MARCHF4: variants seen among roughly 807,000 people sequenced by gnomAD.
MARCHF4 encodes the protein E3 ubiquitin-protein ligase MARCHF4.
A neutral mutation model predicts 43.9 loss-of-function variants in MARCHF4; 14 were observed. The ratio of observed to expected loss-of-function variants is 0.32; its 90% CI spans 0.21 to 0.50. The LOEUF (loss-of-function observed/expected upper bound fraction) is 0.50. Among genes scored for constraint, MARCHF4 ranks in the 20% least tolerant of loss-of-function variants. The pLI, the probability that MARCHF4 is intolerant of heterozygous loss-of-function variation, is 0.98. For synonymous variants in MARCHF4, 226 were observed against 213.3 expected (o/e 1.06, Z -0.52); for missense variants, 468 against 536.7 (o/e 0.87, Z 1.27).
chr2:216,280,419 GTTCCGC>G (rs1359874870), intron 2 of MARCHF4, among the ~76,000 whole-genome samples: 1 of 152,158 alleles, frequency 6.6e-6, no homozygotes, highest in Non-Finnish European at 1.5e-5. Flanking sequence ...TCCTGATTGG[GTTCCGC>G]TCCTACGCAC....
chr2:216,270,548 A>G (rs1198080194), intron 3 of MARCHF4, among the ~76,000 whole-genome samples: 1 of 152,104 alleles, frequency 6.6e-6, no homozygotes, highest in Non-Finnish European at 1.5e-5. Flanking sequence ...ACCTCTTCTT[A>G]GTACTGCCTT....
At chr2:216,365,442 C>T (rs1233491734) in intron 1 of MARCHF4, among the ~76,000 whole-genome samples, 2 of 152,206 alleles carry the variant, frequency 1.3e-5, no homozygotes, top group Non-Finnish European at 1.5e-5. Context: ...CTAGGCACTC[C>T]ACAGCTGCCT....
At chr2:216,268,437 G>C (rs532312242) in intron 3 of MARCHF4, among the ~76,000 whole-genome samples, 11 of 152,236 alleles carry the variant, frequency 7.2e-5, no homozygotes, top group African/African-American at 2.6e-4. Flanking sequence ...TCATGGAGGC[G>C]GTTTCCCCCA....
intron 1 of MARCHF4, among the ~76,000 whole-genome samples, chr2:216,336,622 AT>A (rs1298418819): frequency 2.0e-5 from 3 of 151,444 alleles, no homozygotes; most frequent in African/African-American, 7.3e-5. Flanking sequence ...CTAACTGGCT[AT>A]TTTGTGAATT....
intron 1 of MARCHF4, among the ~76,000 whole-genome samples, chr2:216,338,080 A>G (rs116179813): frequency 0.047 from 7,205 of 152,290 alleles, 216 homozygotes; most frequent in Middle Eastern, 0.065. Flanking sequence ...AGGGAACATG[A>G]TGAGCCCACA....
chr2:216,330,499 A>T (rs752474441), intron 1 of MARCHF4, among the ~76,000 whole-genome samples: 4 of 152,220 alleles, frequency 2.6e-5, no homozygotes, highest in Non-Finnish European at 5.9e-5. Context: ...TCTGAAAAAC[A>T]AAATTGACAC....
intron 1 of MARCHF4, among the ~76,000 whole-genome samples, chr2:216,306,964 C>CCTCT (rs71988758): frequency 0.067 from 10,128 of 150,860 alleles, 1,111 homozygotes; most frequent in African/African-American, 0.23. Flanking sequence ...TACCTCCTGT[C>CCTCT]CTCTCTCTCT....
Position 216,265,050 on chromosome 2 carries a change from G to A in MARCHF4, c.866-5371C>T, listed in dbSNP as rs80298570. Among the ~76,000 whole-genome samples, 770 of 152,280 alleles carry A rather than the reference G, an allele frequency of 5.1e-3. 5 individuals are homozygous for A. The highest frequency in any genetic ancestry group is 0.018 in the African/African-American group (728 of 41,560). ...GGCTCATCTGATAGGAGCAGGTGAC[G>A]TGGCCAAGGTTGAAGAGGTGGGAAA... On this transcript the variant is annotated intron_variant, in intron 3 of 3. Transcript: ENST00000273067.
intron 1 of MARCHF4, among the ~76,000 whole-genome samples, chr2:216,327,156 T>C (rs1692007170): frequency 6.6e-6 from 1 of 152,114 alleles, no homozygotes; most frequent in Non-Finnish European, 1.5e-5. Context: ...GTATTTTTTT[T>C]TTAAATTGAG....
chr2:216,355,362 C>T (rs181452885), intron 1 of MARCHF4, among the ~76,000 whole-genome samples: 97 of 152,168 alleles, frequency 6.4e-4, no homozygotes, highest in African/African-American at 2.2e-3. Flanking sequence ...TCAGAATAAA[C>T]CCCCCATGTA....
chr2:216,327,603 A>G (rs1268829039), intron 1 of MARCHF4, among the ~76,000 whole-genome samples: 1 of 152,222 alleles, frequency 6.6e-6, no homozygotes, highest in Non-Finnish European at 1.5e-5. Flanking sequence ...AACACTTAAC[A>G]TTAGAAAGCT....
chr2:216,352,288 T>C (rs1033492924), intron 1 of MARCHF4, among the ~76,000 whole-genome samples: 2 of 152,184 alleles, frequency 1.3e-5, no homozygotes, highest in Non-Finnish European at 2.9e-5. Flanking sequence ...TAAGGCAGCC[T>C]CCTGGTGGAA....
chr2:216,317,421 G>GT (rs11296188), intron 1 of MARCHF4, among the ~76,000 whole-genome samples: 3 of 151,394 alleles, frequency 2.0e-5, no homozygotes, highest in Non-Finnish European at 2.9e-5. Flanking sequence ...ATCCTTTTTT[G>GT]TTTTTTTTTA....
chr2:216,370,502 A>C lies in MARCHF4; in HGVS notation c.-242T>G. 1 of 422,090 alleles carries C rather than the reference A, an allele frequency of 2.4e-6. No homozygotes were observed. The highest frequency in any genetic ancestry group is 4.0e-5 in the Admixed American group (1 of 25,210). The allele number at this position is 422,090 out of a possible 1,614,324, so 26.1% of individuals were successfully genotyped here. On this transcript the variant is annotated 5_prime_UTR_variant, in exon 1 of 4. Coordinates refer to ENST00000273067, the MANE Select transcript of MARCHF4 (RefSeq NM_020814.3). ...AAAAAAGTTTTTCTTGCCCTCACAC[A>C]CCCACCCCAACCTCCAACTTTGTTC...
Position 216,259,433 on chromosome 2 carries a change from G to A in MARCHF4, c.1112C>T (p.Pro371Leu), listed in dbSNP as rs200327493. The change falls in exon 4 of 4, where the codon CCT (proline) becomes CTT (leucine). Residue 371 changes from proline to leucine, a missense_variant. Coordinates refer to ENST00000273067, the MANE Select transcript of MARCHF4 (RefSeq NM_020814.3). ...ATAAGCACAGTGGTGATGGGACAGA[G>A]GGCCTGAGGGGTGGCCGGCAGCCTG... is the stretch of plus-strand genomic sequence containing the variant. Reference protein sequence around the residue: ...PAQAAGHPSGPLSHHHCAYTI... With the variant: ...PAQAAGHPSGLLSHHHCAYTI... 24 of 1,614,102 alleles carry A rather than the reference G, an allele frequency of 1.5e-5. No individual in the cohort carries two copies. In the East Asian group the frequency reaches 5.3e-4, roughly 36 times the overall value.
rs1393781375 is a variant in MARCHF4 at position 216,318,326 on chromosome 2, CT to C, written c.517-34598del. On this transcript the variant is annotated intron_variant, in intron 1 of 3. Coordinates refer to ENST00000273067, the MANE Select transcript of MARCHF4 (RefSeq NM_020814.3). ...CGAACGCCCCTCCCAGGCCAGCCAA[CT>C]GCTGTAGGGGACGGGGATGTAGCAG... 3.9e-5 allele frequency among the ~76,000 whole-genome samples: 6 copies of C among 152,342 alleles called. No individual in the cohort carries two copies. The East Asian group carries it at 9.7e-4, about 25-fold the overall frequency.
At chr2:216,338,451 G>A (rs1692190053) in intron 1 of MARCHF4, among the ~76,000 whole-genome samples, 1 of 152,146 alleles carries the variant, frequency 6.6e-6, no homozygotes, top group Non-Finnish European at 1.5e-5. Context: ...TTCAACAGTG[G>A]CTGTTTGCCT....
At chr2:216,277,942 C>G in intron 2 of MARCHF4, 78 bp from the exon 3 acceptor site, 1 of 1,331,344 alleles carries the variant, frequency 7.5e-7, no homozygotes, top group Non-Finnish European at 1.0e-6. Context: ...GTCTGCTGCT[C>G]CAACAGCTCA....
chr2:216,343,319 C>T (rs1016059699), intron 1 of MARCHF4, among the ~76,000 whole-genome samples: 1 of 152,136 alleles, frequency 6.6e-6, no homozygotes, highest in Non-Finnish European at 1.5e-5. Context: ...TCTGGTGAGA[C>T]CTGTCTTTCT....
Sources: allele counts gnomAD v4.1 joint callset (sites outside exome capture counted in the v4.1 genomes callset), GRCh38; gene constraint gnomAD v4.1.1; transcripts MANE v1.5; gene names NCBI Gene and HGNC (gene_info 2026-07-23, HGNC 2026-07-21).